The following KLHL1 variants were observed in gnomAD, a reference collection of about 807,000 sequenced individuals.
KLHL1 encodes kelch-like protein 1.
Under a neutral mutation model 77.7 loss-of-function variants are expected in KLHL1, and 47 were observed. The observed-to-expected ratio is 0.60, with a 90% CI of 0.48 to 0.77. The LOEUF (loss-of-function observed/expected upper bound fraction) is 0.77. Among genes scored for constraint, KLHL1 ranks in the 30% least tolerant of loss-of-function variants. The probability of loss-of-function intolerance (pLI) is 0.00; values close to 1 mark genes in which losing one functional copy is unlikely to be tolerated. For synonymous variants in KLHL1, 360 were observed against 325.2 expected (o/e 1.11, Z -1.15); for missense variants, 925 against 910.8 (o/e 1.02, Z -0.20).
intron 2 of KLHL1, among the ~76,000 whole-genome samples, chr13:69,961,908 T>C (rs941201480): frequency 1.3e-5 from 2 of 152,030 alleles, no homozygotes; most frequent in African/African-American, 4.8e-5. Flanking sequence ...GGCAAATCCC[T>C]TTCTTTAATA....
intron 4 of KLHL1, among the ~76,000 whole-genome samples, chr13:69,884,872 T>C (rs558235823): frequency 6.6e-6 from 1 of 152,152 alleles, no homozygotes; most frequent in African/African-American, 2.4e-5. Flanking sequence ...CTTTTATAGT[T>C]TGATTTCTTT....
In KLHL1 at chr13:69,993,298, C is replaced by T. The variant is rs78770878; in HGVS notation, c.498-17496G>A. Among the ~76,000 whole-genome samples, 963 of 152,116 alleles carry T rather than the reference C, an allele frequency of 6.3e-3. 8 individuals carry two copies. Among genetic ancestry groups the T allele is most frequent in the African/African-American group, 0.022 (903 of 41,532 alleles). ...TGTAAACAGCATGCAGTTTATATAG[C>T]ATTTTCACTTAGCAATCTTCACCTA... On this transcript the variant is annotated intron_variant, in intron 1 of 10. Coordinates refer to ENST00000377844, the MANE Select transcript of KLHL1 (RefSeq NM_020866.3).
chr13:69,869,638 T>C (rs1216093668), intron 5 of KLHL1, among the ~76,000 whole-genome samples: 2 of 152,166 alleles, frequency 1.3e-5, no homozygotes, highest in Admixed American at 1.3e-4. Context: ...GTGGAATTGC[T>C]CTTCTCTAGG....
intron 1 of KLHL1, among the ~76,000 whole-genome samples, chr13:70,058,026 G>C (rs1458267779): frequency 1.3e-5 from 2 of 152,030 alleles, no homozygotes; most frequent in Admixed American, 6.6e-5. Context: ...CAATGCATTT[G>C]ATAAAATTCA....
At chr13:69,997,382 T>C (rs3003202) in intron 1 of KLHL1, among the ~76,000 whole-genome samples, 106,610 of 151,058 alleles carry the variant, frequency 0.71, 37,940 homozygotes, top group African/African-American at 0.74. Context: ...TAACTATAGG[T>C]ACGACGTTGC....
intron 5 of KLHL1, among the ~76,000 whole-genome samples, chr13:69,857,786 T>C (rs558023294): frequency 6.6e-6 from 1 of 151,992 alleles, no homozygotes; most frequent in South Asian, 2.1e-4. Flanking sequence ...TATCCTTGGC[T>C]AGGAAAGAAC....
chr13:69,937,949 A>G (rs963315393), intron 4 of KLHL1, among the ~76,000 whole-genome samples: 5 of 152,192 alleles, frequency 3.3e-5, no homozygotes, highest in African/African-American at 9.6e-5. Flanking sequence ...TCAGACAAAT[A>G]ATTACAGTCA....
intron 8 of KLHL1, among the ~76,000 whole-genome samples, chr13:69,729,499 G>A (rs973093677): frequency 2.0e-5 from 3 of 151,460 alleles, no homozygotes; most frequent in Non-Finnish European, 2.9e-5. Context: ...TTAGTGTTAC[G>A]TGATAGCAAA....
chr13:69,872,889 A>C (rs1032013003), intron 5 of KLHL1, among the ~76,000 whole-genome samples: 1 of 152,098 alleles, frequency 6.6e-6, no homozygotes, highest in African/African-American at 2.4e-5. Flanking sequence ...TGACACAAAC[A>C]TCTTTCATTA....
intron 4 of KLHL1, among the ~76,000 whole-genome samples, chr13:69,906,115 T>G (rs1399479466): frequency 6.6e-6 from 1 of 152,068 alleles, no homozygotes; most frequent in Non-Finnish European, 1.5e-5. Flanking sequence ...ACACTTTATT[T>G]CCTTCTCAAT....
At chr13:70,010,117 C>T (rs578064505) in intron 1 of KLHL1, among the ~76,000 whole-genome samples, 1 of 151,946 alleles carries the variant, frequency 6.6e-6, no homozygotes, top group East Asian at 1.9e-4. Flanking sequence ...AAAGAGAGTG[C>T]AATAGAAGAT....
Position 70,038,566 on chromosome 13 carries a change from T to G in KLHL1, c.498-62764A>C, listed in dbSNP as rs1053534993. On this transcript the variant is annotated intron_variant, in intron 1 of 10. Coordinates refer to ENST00000377844, the MANE Select transcript of KLHL1 (RefSeq NM_020866.3). Reference sequence around the variant, plus strand: ...GTTTTTTTCACATCTTTGCCAGCATTTGGGATTGTCATTAATTTTTTTTTT... The same window carrying G: ...GTTTTTTTCACATCTTTGCCAGCATGTGGGATTGTCATTAATTTTTTTTTT... Among the ~76,000 whole-genome samples the G allele has an allele frequency of 2.0e-5, 3 of 148,564 alleles. No homozygotes were observed. In the South Asian group the frequency reaches 6.4e-4, roughly 32 times the overall value.
Position 69,923,640 on chromosome 13 carries a change from A to T in KLHL1, c.1014+16400T>A, listed in dbSNP as rs186814559. Among the ~76,000 whole-genome samples, 3 of 152,326 alleles carry T rather than the reference A, an allele frequency of 2.0e-5. No individual in the cohort carries two copies. In the East Asian group the frequency reaches 5.8e-4, roughly 29 times the overall value. On this transcript the variant is annotated intron_variant, in intron 4 of 10. Coordinates refer to ENST00000377844, the MANE Select transcript of KLHL1 (RefSeq NM_020866.3). ...GAAGACACATTTATAAGAATAAAATAGTTGATGAAAAATTACAATATAAGG... is the reference window on the plus strand; with the variant it reads ...GAAGACACATTTATAAGAATAAAATTGTTGATGAAAAATTACAATATAAGG...
intron 1 of KLHL1, among the ~76,000 whole-genome samples, chr13:70,063,037 C>T (rs1177743538): frequency 6.6e-6 from 1 of 151,942 alleles, no homozygotes; most frequent in Non-Finnish European, 1.5e-5. Context: ...CATGAAATAC[C>T]TAGGACGGTT....
In KLHL1 at chr13:69,881,787, T is replaced by C. The variant is rs530257092; in HGVS notation, c.1227+496A>G. Among the ~76,000 whole-genome samples, 4 of 152,312 alleles carry C rather than the reference T, an allele frequency of 2.6e-5. No homozygotes were observed. In the East Asian group the frequency reaches 7.7e-4, roughly 29 times the overall value. ...ATTCTAATTGCTAACTACTGTTAAA[T>C]CATAACTCTCTACTATTCAGGTATG... On this transcript the variant is annotated intron_variant, in intron 5 of 10. Coordinates refer to ENST00000377844, the MANE Select transcript of KLHL1 (RefSeq NM_020866.3).
intron 4 of KLHL1, among the ~76,000 whole-genome samples, chr13:69,911,450 C>A (rs1316773881): frequency 6.6e-6 from 1 of 151,602 alleles, no homozygotes; most frequent in African/African-American, 2.4e-5. Context: ...TGAGTAGCTC[C>A]ATTTAAGCAA....
chr13:69,722,250 A>G (rs9564593), intron 8 of KLHL1, among the ~76,000 whole-genome samples: 56,447 of 151,826 alleles, frequency 0.37, 10,748 homozygotes, highest in African/African-American at 0.43. Flanking sequence ...AGTTATTTGA[A>G]CCAAATATTG....
At chr13:69,842,313 G>A (rs908399197) in intron 5 of KLHL1, among the ~76,000 whole-genome samples, 1 of 151,572 alleles carries the variant, frequency 6.6e-6, no homozygotes, top group African/African-American at 2.4e-5. Context: ...GGACAAATAC[G>A]CAGAATGTAC....
rs1299582678 is a variant in KLHL1, at chr13:69,936,185, T to C, written c.1014+3855A>G. On this transcript the variant is annotated intron_variant, in intron 4 of 10. Transcript: ENST00000377844. ...GAGGAAGGTCTGAGTTAAGTAAGAG[T>C]GAAGGAACCATACAACACATATTTA... Among the ~76,000 whole-genome samples the C allele has an allele frequency of 1.3e-5, 2 of 151,946 alleles. 1 individual carries two copies.
Sources: gnomAD v4.1 joint callset for allele counts (sites outside exome capture counted in the v4.1 genomes callset) on GRCh38, gnomAD v4.1.1 for gene constraint, MANE v1.5 for transcripts, NCBI Gene and HGNC (gene_info 2026-07-23, HGNC 2026-07-21) for gene names.